PREX2: variants seen among roughly 807,000 people sequenced by gnomAD.
PREX2 encodes phosphatidylinositol-3,4,5-trisphosphate dependent Rac exchange factor 2.
PREX2 carries 107 observed loss-of-function variants against 203.2 expected under a neutral mutation model. The ratio of observed to expected loss-of-function variants is 0.53; its 90% CI spans 0.45 to 0.62. The LOEUF is 0.62. Ranked by LOEUF, PREX2 falls within the 20% of genes least tolerant of loss-of-function variation. PREX2 has a pLI of 0.00. For missense variants in PREX2, 1,777 were observed against 1,955.9 expected, an observed-to-expected ratio of 0.91 and a Z score of 1.72; for synonymous variants, 672 against 663.6, an observed-to-expected ratio of 1.01 and a Z score of -0.19.
chr8:68,170,213 G>A (rs144303392), intron 35 of PREX2, among the ~76,000 whole-genome samples: 1 of 152,300 alleles, frequency 6.6e-6, no homozygotes, highest in African/African-American at 2.4e-5. Context: ...TGAGAGGGAT[G>A]GACAGAGCCC....
intron 34 of PREX2, among the ~76,000 whole-genome samples, chr8:68,156,103 C>G (rs1811539168): frequency 6.6e-6 from 1 of 152,166 alleles, no homozygotes; most frequent in Non-Finnish European, 1.5e-5. Context: ...CTCTGTCCCC[C>G]AGACTGGAGT....
intron 4 of PREX2, among the ~76,000 whole-genome samples, chr8:68,027,005 T>C (rs1210702549): frequency 6.6e-6 from 1 of 152,074 alleles, no homozygotes; most frequent in Non-Finnish European, 1.5e-5. Context: ...AGAATATAGG[T>C]GCATTAATTT....
chr8:68,072,514 A>G lies in PREX2; in HGVS notation c.1513A>G (p.Arg505Gly). ...PVIRDKDYHLRTYKSVVMANK... is the reference protein window; with the variant it reads ...PVIRDKDYHLGTYKSVVMANK... ...TTATAGAGATAAAGATTACCATTTA[A>G]GGACCTACAAATCTGTGGTCATGGC... The change falls in exon 14 of 40, where the codon AGG (arginine) becomes GGG (glycine). Residue 505 changes from arginine (R) to glycine (G), a missense_variant. Physicochemically the swap from Arg to Gly is moderately radical, Grantham distance 125. Transcript: ENST00000288368. 1 of 1,590,232 alleles carries G rather than the reference A, an allele frequency of 6.3e-7. No individual in the cohort carries two copies. The highest frequency in any genetic ancestry group is 8.6e-7 in the Non-Finnish European group (1 of 1,159,292).
At chr8:68,098,151 C>G (rs1428233410) in intron 22 of PREX2, among the ~76,000 whole-genome samples, 9 of 152,164 alleles carry the variant, frequency 5.9e-5, no homozygotes, top group Admixed American at 5.9e-4. Flanking sequence ...CCATCAGACT[C>G]CTACTGTATC....
At chr8:68,018,013 C>A in intron 2 of PREX2, 96 bp downstream of exon 2, 2 of 829,326 alleles carry the variant, frequency 2.4e-6, no homozygotes, top group South Asian at 1.5e-5. Context: ...AGTTGATCGG[C>A]AGTTCCACTA....
intron 35 of PREX2, among the ~76,000 whole-genome samples, chr8:68,167,470 A>G (rs1811787176): frequency 6.6e-6 from 1 of 151,696 alleles, no homozygotes; most frequent in Non-Finnish European, 1.5e-5. Context: ...AGTAGCTGGG[A>G]CTATAGGCAT....
chr8:68,184,686 G>A (rs1035004658), intron 35 of PREX2, among the ~76,000 whole-genome samples: 5 of 152,116 alleles, frequency 3.3e-5, no homozygotes, highest in Admixed American at 1.3e-4. Flanking sequence ...TATTTACAAA[G>A]CACGAGGCTC....
At chr8:68,171,099 T>C (rs1811867829) in intron 35 of PREX2, among the ~76,000 whole-genome samples, 1 of 152,196 alleles carries the variant, frequency 6.6e-6, no homozygotes, top group African/African-American at 2.4e-5. Flanking sequence ...CTACTGAGAT[T>C]ATTTTTGCAT....
chr8:68,214,566 T>C (rs1393063144), intron 37 of PREX2, among the ~76,000 whole-genome samples: 1 of 152,226 alleles, frequency 6.6e-6, no homozygotes, highest in East Asian at 1.9e-4. Flanking sequence ...TATGTACCAC[T>C]GAAAAACTGT....
Position 68,093,723 on chromosome 8 carries a change from GT to G in PREX2, c.2368+2del. 1 of 1,496,608 alleles carries G rather than the reference GT, an allele frequency of 6.7e-7. No individual in the cohort carries two copies. The highest frequency in any genetic ancestry group is 9.3e-7 in the Non-Finnish European group (1 of 1,078,542). The allele number at this position is 1,496,608 out of a possible 1,614,324, so 92.7% of individuals were successfully genotyped here. On this transcript the variant is annotated splice_donor_variant, in intron 21 of 39. Coordinates refer to ENST00000288368, the MANE Select transcript of PREX2 (RefSeq NM_024870.4). LOFTEE classifies it high-confidence loss of function. ...GATGCTTTTGACTGTAAAGTAGAAG[GT>G]AGGTTTCTTATTTTCTTCTTCATGT... is the stretch of plus-strand genomic sequence containing the variant.
chr8:68,104,451 C>G (rs2129612697), intron 23 of PREX2, among the ~76,000 whole-genome samples: 1 of 152,254 alleles, frequency 6.6e-6, no homozygotes, highest in Non-Finnish European at 1.5e-5. Context: ...TTTGCACTGG[C>G]TCTTCCCTCT....
At chr8:67,976,570 C>A (rs866888593) in intron 1 of PREX2, among the ~76,000 whole-genome samples, 1 of 48,308 alleles carries the variant, frequency 2.1e-5, no homozygotes, top group Non-Finnish European at 4.1e-5. Flanking sequence ...GAGACAGAGA[C>A]AGAGACAGAG....
At chr8:68,191,876 A>T in intron 36 of PREX2, 88 bp downstream of exon 36, 1 of 885,694 alleles carries the variant, frequency 1.1e-6, no homozygotes, top group Non-Finnish European at 1.8e-6. Flanking sequence ...AGAAAAATTA[A>T]TCTAAGTAGT....
At chr8:68,060,846 A>T in intron 11 of PREX2, 67 bp downstream of exon 11, 5 of 1,078,996 alleles carry the variant, frequency 4.6e-6, no homozygotes, top group Non-Finnish European at 6.8e-6. Flanking sequence ...AATCCCATTT[A>T]TCAGTTTAGT....
chr8:68,223,144 T>C (rs1812989541), intron 38 of PREX2, among the ~76,000 whole-genome samples: 1 of 152,212 alleles, frequency 6.6e-6, no homozygotes, highest in Non-Finnish European at 1.5e-5. Flanking sequence ...AATAATATTG[T>C]ACCAATGTTA....
intron 1 of PREX2, among the ~76,000 whole-genome samples, chr8:67,999,700 A>G (rs1281665285): frequency 6.6e-6 from 1 of 152,178 alleles, no homozygotes; most frequent in African/African-American, 2.4e-5. Context: ...ATGAACATTG[A>G]TGCAAAAATC....
At chr8:68,025,220 G>A (rs530648088) in intron 4 of PREX2, among the ~76,000 whole-genome samples, 367 of 151,218 alleles carry the variant, frequency 2.4e-3, no homozygotes, top group African/African-American at 7.7e-3. Context: ...TTAAATCTGC[G>A]AATGTCTTTA....
intron 38 of PREX2, among the ~76,000 whole-genome samples, chr8:68,219,384 ATTATAT>A (rs1812909018): frequency 6.6e-6 from 1 of 152,110 alleles, no homozygotes; most frequent in Non-Finnish European, 1.5e-5. Context: ...TACAATGTAA[ATTATAT>A]TTATATAGTA....
At chr8:68,071,155 G>A (rs985413) in intron 13 of PREX2, among the ~76,000 whole-genome samples, 107,121 of 151,978 alleles carry the variant, frequency 0.7, 37,827 homozygotes, top group East Asian at 0.74. Flanking sequence ...GTCATGTGAG[G>A]TTTCTTATCA....
Sources: allele counts gnomAD v4.1 joint callset (sites outside exome capture counted in the v4.1 genomes callset), GRCh38; gene constraint gnomAD v4.1.1; transcripts MANE v1.5; gene names NCBI Gene and HGNC (gene_info 2026-07-23, HGNC 2026-07-21).